Variants in B3GLCT observed in about 807,000 individuals in gnomAD.
B3GLCT encodes the protein beta 3-glucosyltransferase, also known as beta-1,3-glucosyltransferase.
In B3GLCT, 65 loss-of-function variants were observed where a neutral mutation model predicts 63.4. The ratio of observed to expected loss-of-function variants is 1.03; its 90% confidence interval spans 0.84 to 1.26. The LOEUF is 1.26. B3GLCT is among the 50% of genes most tolerant of loss of function. B3GLCT has a pLI of 0.00. For missense variants in B3GLCT, 577 were observed against 604.8 expected, an observed-to-expected ratio of 0.95 and a Z score of 0.48; for synonymous variants, 233 against 219.2, an observed-to-expected ratio of 1.06 and a Z score of -0.55.
intron 11 of B3GLCT, among the ~76,000 whole-genome samples, chr13:31,285,816 T>C (rs1430134914): frequency 6.6e-6 from 1 of 152,160 alleles, no homozygotes; most frequent in Non-Finnish European, 1.5e-5. Flanking sequence ...AAAACGATTT[T>C]AGATTGGGTT....
At position 31,224,800 on chromosome 13, in the gene B3GLCT, A is replaced by G. The variant is rs965893202; in HGVS notation, c.160+1809A>G. Among the ~76,000 whole-genome samples, 6 of 152,196 alleles carry G rather than the reference A, an allele frequency of 3.9e-5. No individual in the cohort carries two copies. The South Asian group carries it at 1.2e-3, about 32-fold the overall frequency. On this transcript the variant is annotated intron_variant, in intron 3 of 14. Coordinates refer to ENST00000343307, the MANE Select transcript of B3GLCT (RefSeq NM_194318.4). Reference sequence around the variant, plus strand: ...ATCATAAGGCTGCTTGTTACAGCTTATATCAGAAGTACATCGTATTGGTTT... The same window carrying G: ...ATCATAAGGCTGCTTGTTACAGCTTGTATCAGAAGTACATCGTATTGGTTT...
In B3GLCT at chr13:31,298,041, A is replaced by T. The variant is rs1031745716; in HGVS notation, c.1064+11222A>T. 1.3e-5 allele frequency among the ~76,000 whole-genome samples: 2 copies of T among 152,160 alleles called. 1 individual carries two copies. The highest frequency in any genetic ancestry group is 4.8e-5 in the African/African-American group (2 of 41,442). The stretch of plus-strand genomic sequence containing the variant: ...CGATTGATTAAACCATTGGCCACTG[A>T]TGATCAACTTGACTTTCAGCTGCTT... On this transcript the variant is annotated intron_variant, in intron 12 of 14. Transcript: ENST00000343307.
chr13:31,274,877 C>T (rs1212555208), intron 9 of B3GLCT, among the ~76,000 whole-genome samples: 1 of 152,156 alleles, frequency 6.6e-6, no homozygotes, highest in Non-Finnish European at 1.5e-5. Flanking sequence ...TTAGAGTCCC[C>T]AGTGTCTGTT....
At chr13:31,289,138 G>A (rs1333566267) in intron 12 of B3GLCT, among the ~76,000 whole-genome samples, 3 of 151,904 alleles carry the variant, frequency 2.0e-5, no homozygotes, top group African/African-American at 4.8e-5. Flanking sequence ...ACTAGACCAA[G>A]CAGAAGGAGG....
intron 6 of B3GLCT, among the ~76,000 whole-genome samples, chr13:31,255,610 G>A (rs981740046): frequency 2.0e-5 from 3 of 152,114 alleles, no homozygotes; most frequent in Admixed American, 6.5e-5. Context: ...CAGATATATA[G>A]ACCAATGGAA....
Position 31,253,877 on chromosome 13 carries a change from C to T in B3GLCT, c.459+5911C>T, listed in dbSNP as rs540583578. On this transcript the variant is annotated intron_variant, in intron 6 of 14. Transcript: ENST00000343307. Reference sequence around the variant, plus strand: ...TATCACCACCAATCCCACAGAAATACAAACTACTATCAGAGAATACTATAA... The same window carrying T: ...TATCACCACCAATCCCACAGAAATATAAACTACTATCAGAGAATACTATAA... Among the ~76,000 whole-genome samples, 5 of 152,122 alleles carry T rather than the reference C, an allele frequency of 3.3e-5. No individual in the cohort carries two copies. The East Asian group carries it at 9.7e-4, about 29-fold the overall frequency.
At chr13:31,300,067 C>T (rs1158401706) in intron 12 of B3GLCT, among the ~76,000 whole-genome samples, 1 of 152,170 alleles carries the variant, frequency 6.6e-6, no homozygotes, top group African/African-American at 2.4e-5. Context: ...GACTTCCAAA[C>T]AGGATGGTAT....
chr13:31,211,211 A>G (rs892401528), intron 1 of B3GLCT, among the ~76,000 whole-genome samples: 3 of 152,170 alleles, frequency 2.0e-5, no homozygotes, highest in Non-Finnish European at 2.9e-5. Context: ...CCTGGCCAAC[A>G]TGGCAAAACC....
At chr13:31,253,595 CAAAAAAAAAAAAAAA>C (rs35512327) in intron 6 of B3GLCT, among the ~76,000 whole-genome samples, 1 of 18,416 alleles carries the variant, frequency 5.4e-5, no homozygotes, top group Non-Finnish European at 7.7e-5. Context: ...GACTCCATCT[CAAAAAAAAAAAAAAA>C]AAAAAAAAAA....
At chr13:31,269,371 T>G in intron 8 of B3GLCT, 94 bp downstream of exon 8, 1 of 888,416 alleles carries the variant, frequency 1.1e-6, no homozygotes, top group Non-Finnish European at 1.8e-6. Context: ...TCTTGCATTT[T>G]CCCCACCCAC....
intron 8 of B3GLCT, among the ~76,000 whole-genome samples, chr13:31,270,006 C>T (rs1872513517): frequency 6.6e-6 from 1 of 152,188 alleles, no homozygotes; most frequent in Non-Finnish European, 1.5e-5. Context: ...CTGTGCTTGG[C>T]TGTCTGGAGC....
At chr13:31,232,475 C>T (rs951490548) in intron 4 of B3GLCT, among the ~76,000 whole-genome samples, 1 of 152,268 alleles carries the variant, frequency 6.6e-6, no homozygotes, top group Middle Eastern at 3.4e-3. Context: ...CTCAATAACT[C>T]ACTCTCCTCA....
At chr13:31,227,864 A>T (rs191004314) in intron 3 of B3GLCT, among the ~76,000 whole-genome samples, 3 of 152,380 alleles carry the variant, frequency 2.0e-5, no homozygotes, top group Admixed American at 2.0e-4. Context: ...GGCTTTGCTG[A>T]CAATCTGGCT....
chr13:31,211,991 A>G (rs965572147), intron 1 of B3GLCT, among the ~76,000 whole-genome samples: 8 of 152,246 alleles, frequency 5.3e-5, no homozygotes, highest in Admixed American at 3.3e-4. Context: ...AGATGATGCT[A>G]CTGGACCTGT....
At chr13:31,222,059 C>T (rs1869836003) in intron 2 of B3GLCT, among the ~76,000 whole-genome samples, 1 of 151,056 alleles carries the variant, frequency 6.6e-6, no homozygotes, top group African/African-American at 2.4e-5. Flanking sequence ...TTAAGGTGCC[C>T]CTTCTGTGCT....
chr13:31,263,841 T>C (rs1399328823), intron 7 of B3GLCT, among the ~76,000 whole-genome samples: 2 of 152,120 alleles, frequency 1.3e-5, no homozygotes, highest in Non-Finnish European at 2.9e-5. Flanking sequence ...AGTTTAACCA[T>C]ATTTAGGAGT....
At chr13:31,301,946 T>TGA (rs1207242022) in intron 12 of B3GLCT, among the ~76,000 whole-genome samples, 1 of 152,222 alleles carries the variant, frequency 6.6e-6, no homozygotes, top group Non-Finnish European at 1.5e-5. Context: ...CCTCCTGGGG[T>TGA]GAGTCCCATG....
chr13:31,297,533 A>G (rs921980026), intron 12 of B3GLCT, among the ~76,000 whole-genome samples: 3 of 152,110 alleles, frequency 2.0e-5, no homozygotes, highest in African/African-American at 7.2e-5. Context: ...TCCGTGACCA[A>G]AAGTGTGGAG....
chr13:31,250,131 AT>A (rs1871361637), intron 6 of B3GLCT, among the ~76,000 whole-genome samples: 1 of 152,094 alleles, frequency 6.6e-6, no homozygotes, highest in African/African-American at 2.4e-5. Context: ...TATGCTTTTA[AT>A]ATATGTGTAT....
Sources: allele counts gnomAD v4.1 joint callset (sites outside exome capture counted in the v4.1 genomes callset), GRCh38; gene constraint gnomAD v4.1.1; transcripts MANE v1.5; gene names NCBI Gene and HGNC (gene_info 2026-07-23, HGNC 2026-07-21).